Variants in FOXP2 observed in about 807,000 individuals in gnomAD.
FOXP2 encodes the protein forkhead box protein P2.
Under a neutral mutation model 115.8 loss-of-function variants are expected in FOXP2, and 12 were observed. The ratio of observed to expected loss-of-function variants is 0.10; its 90% CI spans 0.07 to 0.17. The LOEUF (loss-of-function observed/expected upper bound fraction) is 0.17. FOXP2 is among the 10% of genes least tolerant of loss of function. The pLI, the probability that FOXP2 is intolerant of heterozygous loss-of-function variation, is 1.00. For missense variants in FOXP2, 629 were observed against 843.5 expected, an observed-to-expected ratio of 0.75 and a Z score of 3.15; for synonymous variants, 328 against 297.7, an observed-to-expected ratio of 1.10 and a Z score of -1.05.
rs1805599792 is a variant in FOXP2, at chr7:114,642,629, T to A, written c.989+6T>A. On this transcript the variant is annotated splice_donor_region_variant and intron_variant, in intron 7 of 16. Coordinates refer to ENST00000350908, the MANE Select transcript of FOXP2 (RefSeq NM_014491.4). ...CTAAGTGCAAGACGAGACAGGTAAA[T>A]CTCATGAGCTTTATTCTATATTTAT... 1 of 1,606,660 alleles carries A rather than the reference T, an allele frequency of 6.2e-7. No individual in the cohort carries two copies. Among genetic ancestry groups the A allele is most frequent in the Non-Finnish European group, 8.5e-7 (1 of 1,173,706 alleles).
chr7:114,270,856 T>C (rs377064018), intron 1 of FOXP2, among the ~76,000 whole-genome samples: 2 of 152,098 alleles, frequency 1.3e-5, no homozygotes, highest in South Asian at 4.1e-4. Context: ...TCATGGATCA[T>C]GCTTTGGTAT....
At chr7:114,089,346 A>T (rs893935840) in intron 1 of FOXP2, among the ~76,000 whole-genome samples, 8 of 152,122 alleles carry the variant, frequency 5.3e-5, no homozygotes, top group Non-Finnish European at 1.2e-4. Flanking sequence ...AATAATTTTT[A>T]ATTCAACTTA....
intron 6 of FOXP2, among the ~76,000 whole-genome samples, chr7:114,639,800 G>A (rs1022819232): frequency 6.6e-6 from 1 of 152,166 alleles, no homozygotes; most frequent in Non-Finnish European, 1.5e-5. Context: ...ACAGGCAAGA[G>A]CCAGATAATA....
intron 1 of FOXP2, among the ~76,000 whole-genome samples, chr7:114,232,676 G>T (rs1329960550): frequency 6.6e-6 from 1 of 151,988 alleles, no homozygotes; most frequent in Admixed American, 6.6e-5. Context: ...ATCCAGGCAT[G>T]GTGGCATATG....
chr7:114,206,796 C>T (rs1794212681), intron 1 of FOXP2, among the ~76,000 whole-genome samples: 3 of 152,162 alleles, frequency 2.0e-5, no homozygotes. Context: ...TTTAATATTA[C>T]AGCTTTATTA....
At chr7:114,635,034 G>C (rs150200118) in intron 6 of FOXP2, among the ~76,000 whole-genome samples, 1 of 152,256 alleles carries the variant, frequency 6.6e-6, no homozygotes, top group East Asian at 1.9e-4. Context: ...GAGAATGCTA[G>C]ATTCTAGCCT....
intron 11 of FOXP2, among the ~76,000 whole-genome samples, chr7:114,659,131 G>T (rs1036744361): frequency 2.0e-5 from 3 of 152,112 alleles, no homozygotes; most frequent in South Asian, 4.1e-4. Context: ...CCAGCAGGTC[G>T]CACAGTTCCT....
rs527987720 is a variant in FOXP2 at position 114,332,900 on chromosome 7, C to T, written c.-11+44791C>T. Among the ~76,000 whole-genome samples the T allele has an allele frequency of 4.6e-5, 7 of 152,224 alleles. No homozygotes were observed. The South Asian group carries it at 1.5e-3, about 32-fold the overall frequency. Reference sequence around the variant, plus strand: ...AAACATGCTACATTATTGAAAACTTCAAAAGTTTTCTGTCCCTTACTTCTC... The same window carrying T: ...AAACATGCTACATTATTGAAAACTTTAAAAGTTTTCTGTCCCTTACTTCTC... On this transcript the variant is annotated intron_variant, in intron 2 of 17. Coordinates refer to the FOXP2 transcript ENST00000634411.
chr7:114,098,230 A>G (rs1367344088), intron 1 of FOXP2, among the ~76,000 whole-genome samples: 3 of 152,170 alleles, frequency 2.0e-5, no homozygotes, highest in Admixed American at 1.3e-4. Flanking sequence ...CAGTGTAAAG[A>G]CATATGAACA....
rs941321216 is a variant in FOXP2 at position 114,239,405 on chromosome 7, C to T, written c.-101-48614C>T. ...ATGTCAAAAACTTTTGTGAGTTTCCCGTACCTTTTAATATCTTTTATTCAT... is the reference window on the plus strand; with the variant it reads ...ATGTCAAAAACTTTTGTGAGTTTCCTGTACCTTTTAATATCTTTTATTCAT... On this transcript the variant is annotated intron_variant, in intron 1 of 17. Coordinates refer to the FOXP2 transcript ENST00000634411. Among the ~76,000 whole-genome samples, 8 of 152,142 alleles carry T rather than the reference C, an allele frequency of 5.3e-5. No individual in the cohort carries two copies. The South Asian group carries it at 6.2e-4, about 12-fold the overall frequency.
At chr7:114,271,521 T>C (rs1018032307) in intron 1 of FOXP2, among the ~76,000 whole-genome samples, 3 of 130,440 alleles carry the variant, frequency 2.3e-5, no homozygotes, top group Non-Finnish European at 3.1e-5. Context: ...ATAATATTAA[T>C]ATAATTATTA....
chr7:114,309,112 G>C (rs866415591), intron 2 of FOXP2, among the ~76,000 whole-genome samples: 2 of 152,156 alleles, frequency 1.3e-5, no homozygotes, highest in African/African-American at 2.4e-5. Context: ...CAGAGAGCAG[G>C]TTTGTTCACT....
intron 2 of FOXP2, among the ~76,000 whole-genome samples, chr7:114,396,760 T>C (rs1421263386): frequency 1.3e-5 from 2 of 152,006 alleles, no homozygotes; most frequent in East Asian, 3.9e-4. Context: ...AGAGCTCTAC[T>C]GCACAACATA....
Position 114,664,576 on chromosome 7 carries a change from A to G in FOXP2, c.2003+140A>G, listed in dbSNP as rs1807063754. 10 of 938,182 alleles carry G rather than the reference A, an allele frequency of 1.1e-5. No individual in the cohort carries two copies. The Admixed American group carries it at 1.9e-4, about 18-fold the overall frequency. The allele number at this position is 938,182 out of a possible 1,614,324, so 58.1% of individuals were successfully genotyped here. A position where few individuals can be genotyped will look rare whatever the true frequency, so the allele number is the denominator to read the frequency against. On this transcript the variant is annotated intron_variant, in intron 16 of 16. Coordinates refer to ENST00000350908, the MANE Select transcript of FOXP2 (RefSeq NM_014491.4). The stretch of plus-strand genomic sequence containing the variant: ...GGAGTTAAATTATACCACGTTCATA[A>G]TATGACAAAGTTTATCAAAATCGGT...
chr7:114,153,661 C>T (rs1792582166), intron 1 of FOXP2, among the ~76,000 whole-genome samples: 1 of 152,002 alleles, frequency 6.6e-6, no homozygotes, highest in African/African-American at 2.4e-5. Flanking sequence ...TTGAATGTAC[C>T]AGACATCATT....
Position 114,690,883 on chromosome 7 carries a change from G to T in FOXP2, c.*957G>T, listed in dbSNP as rs1226248125. 2.2e-6 allele frequency: 1 copy of T among 454,404 alleles called. No homozygotes were observed. Among genetic ancestry groups the T allele is most frequent in the Admixed American group, 2.3e-5 (1 of 42,556 alleles). 28.1% of individuals were successfully genotyped at this position (454,404 alleles called of 1,614,324 possible). On this transcript the variant is annotated 3_prime_UTR_variant, in exon 17 of 17. Coordinates refer to ENST00000350908, the MANE Select transcript of FOXP2 (RefSeq NM_014491.4). ...CCTGCTGTTTTCTGATGACCTCTGG[G>T]ATCTTTTCATTTAGCCCTAAACAAA...
chr7:114,271,533 AT>A (rs554346525), intron 1 of FOXP2, among the ~76,000 whole-genome samples: 2,585 of 129,898 alleles, frequency 0.02, 52 homozygotes, highest in African/African-American at 0.044. Flanking sequence ...TAATTATTAT[AT>A]TATTATAATT....
chr7:114,527,548 A>G (rs1269089989), intron 2 of FOXP2, among the ~76,000 whole-genome samples: 1 of 151,820 alleles, frequency 6.6e-6, no homozygotes, highest in Admixed American at 6.6e-5. Flanking sequence ...CTATTCACCT[A>G]TGTCTTACTT....
chr7:114,273,175 C>T (rs1033627753), intron 1 of FOXP2, among the ~76,000 whole-genome samples: 1 of 151,826 alleles, frequency 6.6e-6, no homozygotes, highest in Non-Finnish European at 1.5e-5. Flanking sequence ...TATTAAATTT[C>T]TCTTGAGGTT....
Sources: allele counts gnomAD v4.1 joint callset (sites outside exome capture counted in the v4.1 genomes callset), GRCh38; gene constraint gnomAD v4.1.1; transcripts MANE v1.5; gene names NCBI Gene and HGNC (gene_info 2026-07-23, HGNC 2026-07-21).